Variants in SUMF1 observed in about 807,000 individuals in gnomAD.
The protein encoded by SUMF1 is sulfatase modifying factor 1.
SUMF1 carries 48 observed loss-of-function variants against 47.6 expected under a neutral mutation model. The observed-to-expected ratio is 1.01, with a 90% CI of 0.80 to 1.28. SUMF1 has a LOEUF of 1.28. Among genes scored for constraint, SUMF1 ranks in the 50% most tolerant of loss-of-function variants. The probability of loss-of-function intolerance (pLI) is 0.00; values close to 1 mark genes in which losing one functional copy is unlikely to be tolerated. For synonymous variants in SUMF1, 230 were observed against 192.1 expected (o/e 1.20, Z -1.63); for missense variants, 571 against 485.4 (o/e 1.18, Z -1.66).
chr3:4,056,399 C>T (rs116480474), intron 9 of SUMF1, among the ~76,000 whole-genome samples: 2,999 of 152,210 alleles, frequency 0.02, 112 homozygotes, highest in African/African-American at 0.069. Flanking sequence ...ATTGGTCAGA[C>T]ATGGTGGTTC....
At chr3:4,123,468 T>C (rs1467291628) in intron 8 of SUMF1, among the ~76,000 whole-genome samples, 3 of 152,144 alleles carry the variant, frequency 2.0e-5, no homozygotes, top group African/African-American at 7.2e-5. Flanking sequence ...TTGTTCCACT[T>C]TTGTCCATAG....
At chr3:4,244,349 G>A (rs1696613131) in intron 8 of SUMF1, among the ~76,000 whole-genome samples, 1 of 152,322 alleles carries the variant, frequency 6.6e-6, no homozygotes, top group East Asian at 1.9e-4. Context: ...TTTCTTCATA[G>A]CATCAATGGT....
chr3:4,239,306 TAAAG>T (rs1696484337), intron 8 of SUMF1, among the ~76,000 whole-genome samples: 2 of 152,164 alleles, frequency 1.3e-5, no homozygotes, highest in Admixed American at 6.6e-5. Context: ...TCTAAATCTG[TAAAG>T]AAAGTCAATG....
chr3:4,438,404 A>G (rs1038785114), intron 3 of SUMF1, among the ~76,000 whole-genome samples: 1 of 152,116 alleles, frequency 6.6e-6, no homozygotes, highest in Admixed American at 6.6e-5. Context: ...AGCTGCACCA[A>G]GAATCCTGCT....
chr3:4,068,634 G>A lies in SUMF1; in HGVS notation c.1126C>T (p.Arg376Cys), dbSNP rs555231492. Residue 376 changes from arginine (R) to cysteine (C), a missense_variant and NMD_transcript_variant, in exon 9 of 13, where the codon CGT becomes TGT. By Grantham distance (180) the Arg-to-Cys change is radical (BLOSUM62 -3). Coordinates refer to the SUMF1 transcript ENST00000448413. ...ATAGCTGCATATTGCTGATGCCTACGTATTGAGCAGCATGGTTCTAGAGAT... is the reference window on the plus strand; with the variant it reads ...ATAGCTGCATATTGCTGATGCCTACATATTGAGCAGCATGGTTCTAGAGAT... 409 of 446,332 alleles carry A rather than the reference G, an allele frequency of 9.2e-4. 6 individuals carry two copies. The highest frequency in any genetic ancestry group is 5.9e-3 in the South Asian group (366 of 62,270). The allele number at this position is 446,332 out of a possible 1,614,324, so 27.6% of individuals were successfully genotyped here. A position where few individuals can be genotyped will look rare whatever the true frequency, so the allele number is the denominator to read the frequency against.
At chr3:4,305,316 C>T (rs907426483) in intron 8 of SUMF1, among the ~76,000 whole-genome samples, 4 of 152,114 alleles carry the variant, frequency 2.6e-5, no homozygotes, top group African/African-American at 9.7e-5. Flanking sequence ...AAACTCCTGA[C>T]CTCAAGTGAT....
chr3:4,438,030 C>G (rs1702457963), intron 3 of SUMF1, among the ~76,000 whole-genome samples: 1 of 151,686 alleles, frequency 6.6e-6, no homozygotes, highest in South Asian at 2.1e-4. Context: ...GCTTGTACAC[C>G]TATATAGTAG....
chr3:4,303,204 G>T (rs897940108), intron 8 of SUMF1: 2 of 587,904 alleles, frequency 3.4e-6, no homozygotes, highest in Admixed American at 8.6e-5. Flanking sequence ...AAATCAAAAC[G>T]GGAGCCAGAC....
At chr3:4,163,273 T>A (rs930673800) in intron 8 of SUMF1, among the ~76,000 whole-genome samples, 24 of 149,814 alleles carry the variant, frequency 1.6e-4, no homozygotes, top group Non-Finnish European at 1.2e-4. Flanking sequence ...CTCCTTGTTT[T>A]TATTGTACCA....
intron 8 of SUMF1, among the ~76,000 whole-genome samples, chr3:4,126,620 C>T (rs1307895304): frequency 2.6e-5 from 4 of 152,004 alleles, no homozygotes; most frequent in Non-Finnish European, 5.9e-5. Context: ...TAAGGATATG[C>T]CCCCAAAACA....
intron 8 of SUMF1, among the ~76,000 whole-genome samples, chr3:4,092,292 C>T (rs1692804982): frequency 6.6e-6 from 1 of 152,070 alleles, no homozygotes; most frequent in African/African-American, 2.4e-5. Flanking sequence ...TTGAAATCAC[C>T]AGAAGATCCC....
chr3:4,285,414 A>ATT (rs1456653380), intron 8 of SUMF1, among the ~76,000 whole-genome samples: 1 of 151,968 alleles, frequency 6.6e-6, no homozygotes, highest in Non-Finnish European at 1.5e-5. Flanking sequence ...GCTACAGGTG[A>ATT]TTTTTCTTTT....
At chr3:4,225,920 C>T (rs981710205) in intron 8 of SUMF1, among the ~76,000 whole-genome samples, 7 of 152,100 alleles carry the variant, frequency 4.6e-5, no homozygotes, top group Admixed American at 4.6e-4. Flanking sequence ...TCAAGTGATG[C>T]CAATAAAACA....
At chr3:4,317,868 G>C (rs781070938) in intron 8 of SUMF1, among the ~76,000 whole-genome samples, 15 of 152,148 alleles carry the variant, frequency 9.9e-5, no homozygotes, top group Non-Finnish European at 2.2e-4. Context: ...TAAATTATTA[G>C]TCTTGAGAAC....
intron 8 of SUMF1, among the ~76,000 whole-genome samples, chr3:4,093,738 A>G (rs1042465115): frequency 1.3e-5 from 2 of 152,154 alleles, no homozygotes; most frequent in Non-Finnish European, 2.9e-5. Context: ...CAGGCAAAGG[A>G]GTCAGATGAT....
chr3:4,181,625 T>C lies in SUMF1; in HGVS notation c.1015-112880A>G, dbSNP rs180864843. Among the ~76,000 whole-genome samples the C allele has an allele frequency of 7.2e-5, 11 of 152,194 alleles. No individual in the cohort carries two copies. In the East Asian group the frequency reaches 2.1e-3, roughly 29 times the overall value. On this transcript the variant is annotated intron_variant and NMD_transcript_variant, in intron 8 of 12. Coordinates refer to the SUMF1 transcript ENST00000448413. The stretch of plus-strand genomic sequence containing the variant: ...CCTTGGATCAAATGAGTTCCATGTT[T>C]CCTTCCAATTTTATAATGCCATGAT...
Position 4,376,362 on chromosome 3 carries a change from C to T in SUMF1, c.982G>A (p.Val328Met). The T allele has an allele frequency of 6.2e-7, 1 of 1,614,180 alleles. No homozygotes were observed. Among genetic ancestry groups the T allele is most frequent in the Non-Finnish European group, 8.5e-7 (1 of 1,180,008 alleles). The part of the protein sequence containing the change: ...PKGPPSGKDR[V>M]KKGGSYMCHR... ...CACATGTAGGATCCACCTTTCTTCA[C>T]TCGGTCTTTCCCAGAAGGGGGACCT... Residue 328 changes from valine to methionine, a missense_variant, in exon 8 of 9, where the codon GTG (valine) becomes ATG (methionine). Val to Met is a conservative substitution (Grantham distance 21). Transcript: ENST00000272902.
intron 8 of SUMF1, among the ~76,000 whole-genome samples, chr3:4,321,486 A>G (rs1024015722): frequency 8.3e-4 from 125 of 150,502 alleles, no homozygotes; most frequent in African/African-American, 2.3e-3. Context: ...AAAAAAAAAA[A>G]AAAAAAAGAA....
Position 4,111,471 on chromosome 3 carries a change from G to C in SUMF1, c.1015-42726C>G, listed in dbSNP as rs938024593. Among the ~76,000 whole-genome samples the C allele has an allele frequency of 4.6e-5, 7 of 152,206 alleles. No individual in the cohort carries two copies. In the East Asian group the frequency reaches 1.3e-3, roughly 29 times the overall value. Reference sequence around the variant, plus strand: ...GCAGTGACTCACGCCTGTAATGCCAGCACTTTGGGAGGCCAAGGCGGGTGG... The same window carrying C: ...GCAGTGACTCACGCCTGTAATGCCACCACTTTGGGAGGCCAAGGCGGGTGG... On this transcript the variant is annotated intron_variant and NMD_transcript_variant, in intron 8 of 12. Transcript: ENST00000448413.
Sources: allele counts gnomAD v4.1 joint callset (sites outside exome capture counted in the v4.1 genomes callset), GRCh38; gene constraint gnomAD v4.1.1; transcripts MANE v1.5; gene names NCBI Gene and HGNC (gene_info 2026-07-23, HGNC 2026-07-21).